CPQ: variants seen among roughly 807,000 people sequenced by gnomAD.
The protein encoded by CPQ is carboxypeptidase Q.
A neutral mutation model predicts 45.7 loss-of-function variants in CPQ; 37 were observed. That is an observed-to-expected ratio of 0.81 (90% confidence interval 0.62 to 1.07). CPQ has a LOEUF of 1.07. Ranked by LOEUF, CPQ falls within the 50% of genes least tolerant of loss-of-function variation. CPQ has a pLI of 0.00. For missense variants in CPQ, 537 were observed against 572.9 expected (o/e 0.94, Z 0.64); for synonymous variants, 186 against 205.8 (o/e 0.90, Z 0.82).
intron 7 of CPQ, among the ~76,000 whole-genome samples, chr8:97,100,603 C>A (rs1406063262): frequency 6.6e-6 from 1 of 152,094 alleles, no homozygotes; most frequent in East Asian, 1.9e-4. Context: ...CCCTTTTAGT[C>A]TCATTTAATA....
chr8:97,008,736 A>G (rs1344604676), intron 5 of CPQ, among the ~76,000 whole-genome samples: 6 of 152,222 alleles, frequency 3.9e-5, no homozygotes, highest in Admixed American at 2.0e-4. Flanking sequence ...TTCCTGATCC[A>G]TACAACAGGA....
chr8:97,099,615 T>C (rs1811270258), intron 7 of CPQ, among the ~76,000 whole-genome samples: 1 of 152,080 alleles, frequency 6.6e-6, no homozygotes, highest in Non-Finnish European at 1.5e-5. Flanking sequence ...TGAAATATTG[T>C]AGAGCAAAGC....
chr8:97,105,255 C>T (rs1408092899), intron 7 of CPQ, among the ~76,000 whole-genome samples: 2 of 152,166 alleles, frequency 1.3e-5, no homozygotes, highest in Non-Finnish European at 2.9e-5. Context: ...AACCAACATT[C>T]TACCTTCTGC....
intron 2 of CPQ, among the ~76,000 whole-genome samples, chr8:96,800,025 C>T (rs1418577062): frequency 6.6e-6 from 1 of 152,136 alleles, no homozygotes; most frequent in Non-Finnish European, 1.5e-5. Context: ...TTGATTGCGT[C>T]AGAACTTAGA....
At chr8:97,052,147 AC>A (rs1480935829) in intron 6 of CPQ, among the ~76,000 whole-genome samples, 15 of 152,092 alleles carry the variant, frequency 9.9e-5, no homozygotes, top group Non-Finnish European at 2.9e-5. Flanking sequence ...TTCCTCTTCT[AC>A]CTTTAGGTGA....
chr8:96,734,569 G>T (rs1427352326), intron 1 of CPQ, among the ~76,000 whole-genome samples: 1 of 151,912 alleles, frequency 6.6e-6, no homozygotes, highest in Non-Finnish European at 1.5e-5. Context: ...AAATTAGCTG[G>T]GCGTGGTGGC....
At chr8:96,690,740 G>T (rs764608364) in intron 1 of CPQ, among the ~76,000 whole-genome samples, 1 of 152,154 alleles carries the variant, frequency 6.6e-6, no homozygotes, top group Non-Finnish European at 1.5e-5. Flanking sequence ...TGCTATGATT[G>T]TTCACTTCTT....
chr8:97,063,269 G>A (rs919310574), intron 6 of CPQ, among the ~76,000 whole-genome samples: 11 of 152,030 alleles, frequency 7.2e-5, no homozygotes, highest in East Asian at 1.9e-4. Flanking sequence ...TTGGCCACAC[G>A]TATGTCTTCT....
intron 6 of CPQ, among the ~76,000 whole-genome samples, chr8:97,030,279 G>T (rs1018458171): frequency 1.3e-5 from 2 of 152,186 alleles, no homozygotes; most frequent in African/African-American, 4.8e-5. Flanking sequence ...TCCCCTGAAT[G>T]TCCAGATGAG....
chr8:96,946,042 T>C (rs1220998686), intron 4 of CPQ, among the ~76,000 whole-genome samples: 1 of 152,158 alleles, frequency 6.6e-6, no homozygotes, highest in Non-Finnish European at 1.5e-5. Context: ...ACTGCACATA[T>C]CAGGCCTGCT....
At chr8:97,040,178 A>T (rs1004982280) in intron 6 of CPQ, among the ~76,000 whole-genome samples, 1 of 151,246 alleles carries the variant, frequency 6.6e-6, no homozygotes, top group Non-Finnish European at 1.5e-5. Context: ...TGCCATTCTA[A>T]CTGGTGTGAG....
At chr8:96,682,001 G>A (rs1208632080) in intron 1 of CPQ, among the ~76,000 whole-genome samples, 1 of 152,178 alleles carries the variant, frequency 6.6e-6, no homozygotes, top group Non-Finnish European at 1.5e-5. Context: ...TAACTAACTT[G>A]CTTTTGATTT....
At chr8:96,844,272 T>C (rs1811655566) in intron 3 of CPQ, among the ~76,000 whole-genome samples, 1 of 152,232 alleles carries the variant, frequency 6.6e-6, no homozygotes, top group African/African-American at 2.4e-5. Flanking sequence ...TTATGCCTTT[T>C]TTATCCCTCT....
At chr8:97,017,994 C>T (rs1026069769) in intron 5 of CPQ, among the ~76,000 whole-genome samples, 1 of 152,126 alleles carries the variant, frequency 6.6e-6, no homozygotes, top group African/African-American at 2.4e-5. Context: ...ATTTCACCTC[C>T]TTGCCGCCTC....
In CPQ at chr8:97,105,603, A is replaced by T. The variant is rs1040116586; in HGVS notation, c.1256-37417A>T. Among the ~76,000 whole-genome samples, 3 of 152,338 alleles carry T rather than the reference A, an allele frequency of 2.0e-5. No homozygotes were observed. In the South Asian group the frequency reaches 6.2e-4, roughly 32 times the overall value. On this transcript the variant is annotated intron_variant, in intron 7 of 7. Coordinates refer to ENST00000220763, the MANE Select transcript of CPQ (RefSeq NM_016134.4). The stretch of plus-strand genomic sequence containing the variant: ...ATCTGCTCCTTTTACTAGGAACCTA[A>T]GGAACATGCAAACTATTGCTTAATC...
intron 7 of CPQ, among the ~76,000 whole-genome samples, chr8:97,088,920 A>G (rs973909252): frequency 6.6e-6 from 1 of 152,182 alleles, no homozygotes; most frequent in Non-Finnish European, 1.5e-5. Flanking sequence ...TATACTCGAA[A>G]TAACTTTTAC....
intron 1 of CPQ, among the ~76,000 whole-genome samples, chr8:96,746,564 G>A (rs965179702): frequency 6.6e-6 from 1 of 152,120 alleles, no homozygotes; most frequent in African/African-American, 2.4e-5. Context: ...AATCCATCAA[G>A]TAACCATTTC....
chr8:96,894,433 T>C (rs1437428888), intron 4 of CPQ, among the ~76,000 whole-genome samples: 1 of 152,170 alleles, frequency 6.6e-6, no homozygotes, highest in Non-Finnish European at 1.5e-5. Context: ...TAGGAACTTA[T>C]AGGTGGACAA....
At chr8:96,685,580 A>T (rs1292748386) in intron 1 of CPQ, among the ~76,000 whole-genome samples, 3 of 151,924 alleles carry the variant, frequency 2.0e-5, no homozygotes, top group African/African-American at 4.8e-5. Context: ...TGTTTCATTG[A>T]TCTATTTTTC....
Sources: allele counts gnomAD v4.1 joint callset (sites outside exome capture counted in the v4.1 genomes callset), GRCh38; gene constraint gnomAD v4.1.1; transcripts MANE v1.5; gene names NCBI Gene and HGNC (gene_info 2026-07-23, HGNC 2026-07-21).